Variants in CAMK4 observed in about 807,000 individuals in gnomAD.
CAMK4 encodes the protein calcium/calmodulin-dependent protein kinase type IV.
CAMK4 carries 22 observed loss-of-function variants against 44.9 expected under a neutral mutation model. The observed-to-expected ratio is 0.49, with a 90% CI of 0.35 to 0.70. The LOEUF is 0.70. CAMK4 is among the 30% of genes least tolerant of loss of function. The pLI is 0.01. For missense variants in CAMK4, 498 were observed against 586.8 expected, an observed-to-expected ratio of 0.85 and a Z score of 1.56; for synonymous variants, 218 against 215.4, an observed-to-expected ratio of 1.01 and a Z score of -0.11.
rs545720347 is a variant in CAMK4, at chr5:111,472,084, A to G, written c.626-1227A>G. On this transcript the variant is annotated intron_variant, in intron 7 of 10. Transcript: ENST00000282356. ...ATTTTTTTGTATTTTTAGTAGAGAC[A>G]GGGTTTCACCATGTTGGCCAGGCTG... Among the ~76,000 whole-genome samples the G allele has an allele frequency of 2.4e-4, 37 of 151,984 alleles. No homozygotes were observed. The South Asian group carries it at 2.9e-3, about 12-fold the overall frequency.
chr5:111,387,586 A>T (rs1474336829), intron 4 of CAMK4, among the ~76,000 whole-genome samples: 1 of 152,204 alleles, frequency 6.6e-6, no homozygotes, highest in African/African-American at 2.4e-5. Flanking sequence ...TGTACTTGTG[A>T]TGGGAATCAC....
intron 1 of CAMK4, among the ~76,000 whole-genome samples, chr5:111,238,574 C>T (rs757341278): frequency 6.6e-6 from 1 of 151,208 alleles, no homozygotes; most frequent in Non-Finnish European, 1.5e-5. Flanking sequence ...TAAGCCACCC[C>T]AGTCTGTGGC....
At chr5:111,447,936 C>T (rs556547569) in intron 6 of CAMK4, among the ~76,000 whole-genome samples, 97 of 152,198 alleles carry the variant, frequency 6.4e-4, no homozygotes, top group Non-Finnish European at 1.2e-3. Flanking sequence ...AGATTTAATC[C>T]TTAAAGCAAT....
chr5:111,259,397 T>A (rs528779646), intron 1 of CAMK4, among the ~76,000 whole-genome samples: 2 of 152,262 alleles, frequency 1.3e-5, no homozygotes, highest in African/African-American at 4.8e-5. Flanking sequence ...TGATTTGAAG[T>A]ATAGAGAAGA....
intron 5 of CAMK4, among the ~76,000 whole-genome samples, chr5:111,435,623 C>G (rs1753618321): frequency 6.6e-6 from 1 of 152,170 alleles, no homozygotes; most frequent in African/African-American, 2.4e-5. Context: ...TCAGGAGCTT[C>G]CCTTTTTACT....
At chr5:111,388,332 T>C (rs894417414) in intron 4 of CAMK4, among the ~76,000 whole-genome samples, 3 of 152,198 alleles carry the variant, frequency 2.0e-5, no homozygotes, top group Non-Finnish European at 4.4e-5. Flanking sequence ...TTTTTGTTTG[T>C]AACTTTCTTT....
rs184944955 is a variant in CAMK4 at position 111,337,029 on chromosome 5, A to G, written c.162-6995A>G. Among the ~76,000 whole-genome samples the G allele has an allele frequency of 1.6e-3, 238 of 151,116 alleles. 3 individuals are homozygous for G. Among genetic ancestry groups the G allele is most frequent in the African/African-American group, 5.4e-3 (222 of 41,378 alleles). On this transcript the variant is annotated intron_variant, in intron 1 of 10. Coordinates refer to ENST00000282356, the MANE Select transcript of CAMK4 (RefSeq NM_001744.6). ...TATTGCAGTTTTACTTGTTTTTACA[A>G]TTGTATATAGTTGTGTAAACACCAT...
At chr5:111,466,167 C>A (rs1348720434) in intron 7 of CAMK4, among the ~76,000 whole-genome samples, 1 of 152,082 alleles carries the variant, frequency 6.6e-6, no homozygotes, top group Non-Finnish European at 1.5e-5. Flanking sequence ...TGATTAAAAC[C>A]ATCAGCAAAA....
At chr5:111,454,647 C>CAAAA (rs66917170) in intron 7 of CAMK4, among the ~76,000 whole-genome samples, 1 of 114,596 alleles carries the variant, frequency 8.7e-6, no homozygotes, top group Non-Finnish European at 1.7e-5. Flanking sequence ...GTCACACAGA[C>CAAAA]AAAAAAAAAA....
intron 1 of CAMK4, among the ~76,000 whole-genome samples, chr5:111,282,318 C>T (rs1182328152): frequency 6.6e-6 from 1 of 152,014 alleles, no homozygotes; most frequent in African/African-American, 2.4e-5. Context: ...AAAGTTTCAG[C>T]TAGAAAATTA....
chr5:111,447,963 A>T (rs1754086172), intron 6 of CAMK4, among the ~76,000 whole-genome samples: 1 of 152,256 alleles, frequency 6.6e-6, no homozygotes, highest in Non-Finnish European at 1.5e-5. Flanking sequence ...AAATGGATGG[A>T]TAGATACTAA....
chr5:111,321,475 C>T (rs1735262300), intron 1 of CAMK4, among the ~76,000 whole-genome samples: 1 of 149,742 alleles, frequency 6.7e-6, no homozygotes, highest in Non-Finnish European at 1.5e-5. Flanking sequence ...TTAATTTATA[C>T]AGTTTCTTAA....
chr5:111,428,016 C>G (rs1753293457), intron 5 of CAMK4, among the ~76,000 whole-genome samples: 2 of 152,222 alleles, frequency 1.3e-5, no homozygotes, highest in Admixed American at 1.3e-4. Flanking sequence ...CACTCCATCC[C>G]CAGATGTAGG....
At chr5:111,370,494 A>G (rs1486366939) in intron 2 of CAMK4, among the ~76,000 whole-genome samples, 1 of 152,172 alleles carries the variant, frequency 6.6e-6, no homozygotes, top group Non-Finnish European at 1.5e-5. Context: ...AGAAACCTGT[A>G]TTACAAAAAC....
chr5:111,328,962 C>T (rs1023505502), intron 1 of CAMK4, among the ~76,000 whole-genome samples: 12 of 151,674 alleles, frequency 7.9e-5, no homozygotes, highest in South Asian at 4.2e-4. Context: ...TGATGAACAT[C>T]GATGCAAAAT....
intron 9 of CAMK4, among the ~76,000 whole-genome samples, chr5:111,479,922 C>G (rs1330225423): frequency 1.3e-5 from 2 of 152,158 alleles, no homozygotes; most frequent in African/African-American, 4.8e-5. Context: ...CCTGCCTCTT[C>G]TCATGCCTTT....
In CAMK4 at chr5:111,224,781, G is replaced by C; in HGVS notation, c.161+137G>C. On this transcript the variant is annotated intron_variant, in intron 1 of 10. Transcript: ENST00000282356. This position sits in a 1 kb window ranked among gnomAD's most constrained non-coding sequence, Gnocchi z 5.7. Reference sequence around the variant, plus strand: ...CCTACCTAGTTAGTGTCTTGAGAGAGAGCTAACCTTCATTCAGGTGCGGCT... The same window carrying C: ...CCTACCTAGTTAGTGTCTTGAGAGACAGCTAACCTTCATTCAGGTGCGGCT... The C allele has an allele frequency of 1.2e-6, 1 of 844,470 alleles. No homozygotes were observed. Among genetic ancestry groups the C allele is most frequent in the Non-Finnish European group, 1.8e-6 (1 of 563,072 alleles). 52.3% of individuals were successfully genotyped at this position (844,470 alleles called of 1,614,324 possible).
chr5:111,252,212 G>T (rs767582441), intron 1 of CAMK4, among the ~76,000 whole-genome samples: 1 of 152,232 alleles, frequency 6.6e-6, no homozygotes, highest in Non-Finnish European at 1.5e-5. Context: ...TTTAAACCTC[G>T]TCAGAGTCAC....
intron 1 of CAMK4, among the ~76,000 whole-genome samples, chr5:111,337,939 G>A (rs1177322888): frequency 1.3e-5 from 2 of 151,070 alleles, no homozygotes; most frequent in African/African-American, 4.8e-5. Context: ...TTTTAGTTGG[G>A]TATGAAAAGG....
Sources: allele counts gnomAD v4.1 joint callset (sites outside exome capture counted in the v4.1 genomes callset), GRCh38; gene constraint gnomAD v4.1.1; non-coding constraint Gnocchi (gnomAD v3.1); transcripts MANE v1.5; gene names NCBI Gene and HGNC (gene_info 2026-07-23, HGNC 2026-07-21).